Variants in SLC10A5 observed in about 807,000 individuals in gnomAD.
The protein encoded by SLC10A5 is solute carrier family 10 member 5, also known as sodium/bile acid cotransporter 5.
For missense variants in SLC10A5, 475 were observed against 500.7 expected (o/e 0.95, Z 0.49); for synonymous variants, 181 against 183.7 (o/e 0.99, Z 0.12).
In SLC10A5 at chr8:81,694,050, G is replaced by C; in HGVS notation, c.923C>G (p.Pro308Arg). 6.2e-7 allele frequency: 1 copy of C among 1,613,792 alleles called. No homozygotes were observed. The highest frequency in any genetic ancestry group is 8.5e-7 in the Non-Finnish European group (1 of 1,179,998). Residue 308 changes from proline to arginine, a missense_variant, in exon 1 of 1, where the codon CCT (proline) becomes CGT (arginine). Transcript: ENST00000518568. ...TACGAACATTAAAATAAAACTCAGAGGTCTAATTATTCTCTCTAAGAAGCT... is the reference window on the plus strand; with the variant it reads ...TACGAACATTAAAATAAAACTCAGACGTCTAATTATTCTCTCTAAGAAGCT... ...KASFLERIIR[P>R]LSFILMFVGI... is the part of the protein sequence containing the mutation.
In SLC10A5 at chr8:81,694,728, T is replaced by C. The variant is rs757090867; in HGVS notation, c.245A>G (p.Asp82Gly). The change falls in exon 1 of 1, where the codon GAT (aspartate) becomes GGT (glycine). Residue 82 changes from aspartate to glycine, a missense_variant. Asp to Gly is a moderately conservative substitution (Grantham distance 94). Coordinates refer to ENST00000518568, the MANE Select transcript of SLC10A5 (RefSeq NM_001010893.3). ...CAGATTTATGGTAAAGTTTGTAGCATCTGATGAGATCTTCTTGGCCACATT... is the reference window on the plus strand; with the variant it reads ...CAGATTTATGGTAAAGTTTGTAGCACCTGATGAGATCTTCTTGGCCACATT... Reference protein sequence around the residue: ...MVNVAKKISSDATNFTINLVT... With the variant: ...MVNVAKKISSGATNFTINLVT... The C allele has an allele frequency of 1.2e-6, 2 of 1,614,000 alleles. No homozygotes were observed. The highest frequency in any genetic ancestry group is 1.1e-5 in the South Asian group (1 of 91,076).
In SLC10A5 at chr8:81,694,456, T is replaced by G; in HGVS notation, c.517A>C (p.Arg173=). The G allele has an allele frequency of 6.2e-7, 1 of 1,614,246 alleles. No individual in the cohort carries two copies. Among genetic ancestry groups the G allele is most frequent in the South Asian group, 1.1e-5 (1 of 91,090 alleles). Residue 173 remains arginine (R), a synonymous_variant, in exon 1 of 1, where the codon AGA becomes CGA. Transcript: ENST00000518568. ...ELQLFQTVWK[R]PLPVILGAVT... is the part of the protein sequence containing the mutation. Reference sequence around the variant, plus strand: ...GCCCCAAGAATTACTGGCAAAGGTCTCTTCCATACTGTTTGAAACAGCTGT... The same window carrying G: ...GCCCCAAGAATTACTGGCAAAGGTCGCTTCCATACTGTTTGAAACAGCTGT...
rs777083591 is a variant in SLC10A5 at position 81,694,589 on chromosome 8, T to C, written c.384A>G (p.Gln128=). 1.2e-6 allele frequency: 2 copies of C among 1,614,170 alleles called. No individual in the cohort carries two copies. The highest frequency in any genetic ancestry group is 4.5e-5 in the East Asian group (2 of 44,870). ...IKNVKVKVLK[Q]KDSLLQAPMH... is the part of the protein sequence containing the mutation. ...TTGGTGCCTGGAGTAGACTGTCTTT[T>C]TGTTTGAGCACTTTGACTTTCACAT... Residue 128 remains glutamine, a synonymous_variant, in exon 1 of 1, where the codon CAA becomes CAG. Coordinates refer to ENST00000518568, the MANE Select transcript of SLC10A5 (RefSeq NM_001010893.3).
In SLC10A5 at chr8:81,693,733, T is replaced by C; in HGVS notation, c.1240A>G (p.Ile414Val). The C allele has an allele frequency of 6.2e-7, 1 of 1,613,676 alleles. No individual in the cohort carries two copies. Among genetic ancestry groups the C allele is most frequent in the South Asian group, 1.1e-5 (1 of 90,918 alleles). ...AMCSGCEMLL[I>V]ILVYKAKKRC... ...TTCTTAGCCTTGTAAACTAGAATGATCAGTAACATTTCACATCCAGAACAC... is the reference window on the plus strand; with the variant it reads ...TTCTTAGCCTTGTAAACTAGAATGACCAGTAACATTTCACATCCAGAACAC... The change falls in exon 1 of 1, where the codon ATC becomes GTC. Residue 414 changes from isoleucine to valine, a missense_variant. Ile to Val is a conservative substitution (Grantham distance 29). Transcript: ENST00000518568.
Position 81,693,952 on chromosome 8 carries a change from G to GT in SLC10A5, c.1020_1021insA (p.Leu341ThrfsTer16), listed in dbSNP as rs762284500. 3.7e-6 allele frequency: 6 copies of GT among 1,613,812 alleles called. No homozygotes were observed. Among genetic ancestry groups the GT allele is most frequent in the Non-Finnish European group, 4.2e-6 (5 of 1,180,046 alleles). On this transcript the variant is annotated frameshift_variant, in exon 1 of 1. Coordinates refer to ENST00000518568, the MANE Select transcript of SLC10A5 (RefSeq NM_001010893.3). LOFTEE classifies it low-confidence loss of function (END_TRUNC). ...AGCAAACCCAAAGCAGGAACTAAGA[G>GT]ACCCAACAGAATCACCTCTAGATTA...
chr8:81,694,548 T>C lies in SLC10A5; in HGVS notation c.425A>G (p.Asn142Ser). 1 of 1,614,164 alleles carries C rather than the reference T, an allele frequency of 6.2e-7. No homozygotes were observed. The highest frequency in any genetic ancestry group is 1.1e-5 in the South Asian group (1 of 91,078). ...LLQAPMHIDR[N>S]ILMLILPLIL... ...TAGTGGTAAAATAAGCATTAGGATA[T>C]TTCTATCAATATGCATTGGTGCCTG... is the stretch of plus-strand genomic sequence containing the variant. Residue 142 changes from asparagine (N) to serine (S), a missense_variant, in exon 1 of 1, where the codon AAT becomes AGT. Asn to Ser is a conservative substitution (Grantham distance 46). Coordinates refer to ENST00000518568, the MANE Select transcript of SLC10A5 (RefSeq NM_001010893.3).
At position 81,695,057 on chromosome 8, in the gene SLC10A5, C is replaced by G; in HGVS notation, c.-85G>C. On this transcript the variant is annotated 5_prime_UTR_variant, in exon 1 of 1. Transcript: ENST00000518568. ...TTCATGCAGGTGTTCCAGTGACAGT[C>G]TGAGGGTGAGTTAGATAACAGTTGT... The G allele has an allele frequency of 9.3e-7, 1 of 1,073,954 alleles. No individual in the cohort carries two copies. Among genetic ancestry groups the G allele is most frequent in the South Asian group, 1.7e-5 (1 of 58,326 alleles). 66.5% of individuals were successfully genotyped at this position (1,073,954 alleles called of 1,614,324 possible). A position where few individuals can be genotyped will look rare whatever the true frequency, so the allele number is the denominator to read the frequency against.
Position 81,694,974 on chromosome 8 carries a change from T to C in SLC10A5, c.-2A>G, listed in dbSNP as rs751589843. 3 of 1,541,894 alleles carry C rather than the reference T, an allele frequency of 1.9e-6. No homozygotes were observed. The highest frequency in any genetic ancestry group is 4.5e-5 in the Admixed American group (2 of 44,264). ...AACAATAAAAAGTTTTCTAATCATT[T>C]TGAAAGCTGAAATAAATCATATATG... is the stretch of plus-strand genomic sequence containing the variant. On this transcript the variant is annotated 5_prime_UTR_variant, in exon 1 of 1. Transcript: ENST00000518568.
Position 81,694,983 on chromosome 8 carries a change from G to T in SLC10A5, c.-11C>A. 6.5e-7 allele frequency: 1 copy of T among 1,527,076 alleles called. No individual in the cohort carries two copies. Among genetic ancestry groups the T allele is most frequent in the Non-Finnish European group, 8.8e-7 (1 of 1,142,656 alleles). 94.6% of individuals were successfully genotyped at this position (1,527,076 alleles called of 1,614,324 possible). ...AAGTTTTCTAATCATTTTGAAAGCT[G>T]AAATAAATCATATATGCAAAATCGT... On this transcript the variant is annotated 5_prime_UTR_variant, in exon 1 of 1. Coordinates refer to ENST00000518568, the MANE Select transcript of SLC10A5 (RefSeq NM_001010893.3).
chr8:81,694,961 T>A lies in SLC10A5; in HGVS notation c.12A>T (p.Lys4Asn). 1 of 1,551,128 alleles carries A rather than the reference T, an allele frequency of 6.4e-7. No individual in the cohort carries two copies. Among genetic ancestry groups the A allele is most frequent in the Non-Finnish European group, 8.6e-7 (1 of 1,156,898 alleles). The change falls in exon 1 of 1, where the codon AAA becomes AAT. Residue 4 changes from lysine (K) to asparagine (N), a missense_variant. Physicochemically the swap from Lys to Asn is moderately conservative, Grantham distance 94 (BLOSUM62 0). Transcript: ENST00000518568. MIR[K>N]LFIVLLLLLV... is the part of the protein sequence containing the mutation. ...GCAACAAAAGTAGAACAATAAAAAG[T>A]TTTCTAATCATTTTGAAAGCTGAAA...
In SLC10A5 at chr8:81,694,951, C is replaced by T. The variant is rs1394957665; in HGVS notation, c.22G>A (p.Val8Ile). 6.4e-7 allele frequency: 1 copy of T among 1,557,646 alleles called. No individual in the cohort carries two copies. Among genetic ancestry groups the T allele is most frequent in the Admixed American group, 2.2e-5 (1 of 45,324 alleles). ...ATAGTCACAAGCAACAAAAGTAGAA[C>T]AATAAAAAGTTTTCTAATCATTTTG... MIRKLFI[V>I]LLLLLVTIEE... Residue 8 changes from valine to isoleucine, a missense_variant, in exon 1 of 1, where the codon GTT (valine) becomes ATT (isoleucine). Coordinates refer to ENST00000518568, the MANE Select transcript of SLC10A5 (RefSeq NM_001010893.3).
Position 81,693,955 on chromosome 8 carries a change from C to T in SLC10A5, c.1018G>A (p.Gly340Ser), listed in dbSNP as rs1807685714. ...AAACCCAAAGCAGGAACTAAGAGAC[C>T]CAACAGAATCACCTCTAGATTATCT... Reference protein sequence around the residue: ...KTDNLEVILLGLLVPALGLLF... With the variant: ...KTDNLEVILLSLLVPALGLLF... The change falls in exon 1 of 1, where the codon GGT becomes AGT. Residue 340 changes from glycine to serine, a missense_variant. Gly to Ser is a moderately conservative substitution (Grantham distance 56). Transcript: ENST00000518568. 6.2e-7 allele frequency: 1 copy of T among 1,613,826 alleles called. No individual in the cohort carries two copies. Among genetic ancestry groups the T allele is most frequent in the Non-Finnish European group, 8.5e-7 (1 of 1,180,026 alleles).
chr8:81,693,839 GA>G lies in SLC10A5; in HGVS notation c.1133del (p.Phe378SerfsTer2). ...VAIESGMLNS[F>X]LALAVIQLSF... ...ACAGCTGAATAACGGCAAGAGCTAA[GA>G]AACTATTTAACATCCCACTTTCAAT... On this transcript the variant is annotated frameshift_variant, in exon 1 of 1. Coordinates refer to ENST00000518568, the MANE Select transcript of SLC10A5 (RefSeq NM_001010893.3). LOFTEE classifies it low-confidence loss of function (END_TRUNC). 6.2e-7 allele frequency: 1 copy of G among 1,613,828 alleles called. No individual in the cohort carries two copies. The highest frequency in any genetic ancestry group is 8.5e-7 in the Non-Finnish European group (1 of 1,179,974).
Position 81,694,389 on chromosome 8 carries a change from A to C in SLC10A5, c.584T>G (p.Leu195Trp). The change falls in exon 1 of 1, where the codon TTG becomes TGG. Residue 195 changes from leucine (L) to tryptophan (W), a missense_variant. By Grantham distance (61) the Leu-to-Trp change is moderately conservative. Transcript: ENST00000518568. The stretch of plus-strand genomic sequence containing the variant: ...CTCAGGCAATGCCACAATCTGAGAC[A>C]AAAGAAACCCGCAAAATGGCATCAG... ...FFLMPFCGFL[L>W]SQIVALPEAQ... is the part of the protein sequence containing the mutation. 4 of 1,614,064 alleles carry C rather than the reference A, an allele frequency of 2.5e-6. No homozygotes were observed. The highest frequency in any genetic ancestry group is 3.4e-6 in the Non-Finnish European group (4 of 1,180,022).
At position 81,693,995 on chromosome 8, in the gene SLC10A5, T is replaced by C. The variant is rs780786156; in HGVS notation, c.978A>G (p.Leu326=). The C allele has an allele frequency of 6.2e-7, 1 of 1,613,874 alleles. No homozygotes were observed. The highest frequency in any genetic ancestry group is 1.7e-5 in the Admixed American group (1 of 60,028). The change falls in exon 1 of 1, where the codon TTA becomes TTG. Residue 326 remains leucine, a synonymous_variant. Coordinates refer to ENST00000518568, the MANE Select transcript of SLC10A5 (RefSeq NM_001010893.3). ...VGIYLTFTVG[L]VFLKTDNLEV... Reference sequence around the variant, plus strand: ...CTAGATTATCTGTTTTTAAGAACACTAATCCCACTGTGAAAGTCAAATAAA... The same window carrying C: ...CTAGATTATCTGTTTTTAAGAACACCAATCCCACTGTGAAAGTCAAATAAA...
In SLC10A5 at chr8:81,694,927, T is replaced by C. The variant is rs775496158; in HGVS notation, c.46A>G (p.Ile16Val). Residue 16 changes from isoleucine to valine, a missense_variant, in exon 1 of 1, where the codon ATA (isoleucine) becomes GTA (valine). Coordinates refer to ENST00000518568, the MANE Select transcript of SLC10A5 (RefSeq NM_001010893.3). ...FIVLLLLLVTIEEARMSSLSF... is the reference protein window; with the variant it reads ...FIVLLLLLVTVEEARMSSLSF... ...AGCGATGACATCCTTGCTTCTTCTA[T>C]AGTCACAAGCAACAAAAGTAGAACA... The C allele has an allele frequency of 1.3e-4, 214 of 1,589,930 alleles. No individual in the cohort carries two copies. The highest frequency in any genetic ancestry group is 1.8e-4 in the Non-Finnish European group (206 of 1,173,860).
In SLC10A5 at chr8:81,694,252, T is replaced by C; in HGVS notation, c.721A>G (p.Thr241Ala). 1 of 1,614,124 alleles carries C rather than the reference T, an allele frequency of 6.2e-7. No individual in the cohort carries two copies. The highest frequency in any genetic ancestry group is 8.5e-7 in the Non-Finnish European group (1 of 1,180,002). Reference protein sequence around the residue: ...DFTLAILMTCTSTLLALIMMP... With the variant: ...DFTLAILMTCASTLLALIMMP... ...ATGATCAGAGCCAATAATGTTGATGTGCAAGTCATCAAAATGGCCAATGTG... is the reference window on the plus strand; with the variant it reads ...ATGATCAGAGCCAATAATGTTGATGCGCAAGTCATCAAAATGGCCAATGTG... Residue 241 changes from threonine to alanine, a missense_variant, in exon 1 of 1, where the codon ACA (threonine) becomes GCA (alanine). Transcript: ENST00000518568.
Position 81,694,060 on chromosome 8 carries a change from TTCTC to T in SLC10A5, c.909_912del (p.Arg304Ter), listed in dbSNP as rs772027815. On this transcript the variant is annotated frameshift_variant, in exon 1 of 1. Transcript: ENST00000518568. LOFTEE classifies it low-confidence loss of function (END_TRUNC). ...AAAATAAAACTCAGAGGTCTAATTA[TTCTC>T]TCTAAGAAGCTTGCTTTTTCAGGTA... is the stretch of plus-strand genomic sequence containing the variant. 430 of 1,614,042 alleles carry T rather than the reference TTCTC, an allele frequency of 2.7e-4. 6 individuals carry two copies. The highest frequency in any genetic ancestry group is 1.6e-3 in the East Asian group (71 of 44,876).
Position 81,694,794 on chromosome 8 carries a change from A to G in SLC10A5, c.179T>C (p.Leu60Pro). Residue 60 changes from leucine to proline, a missense_variant, in exon 1 of 1, where the codon CTC becomes CCC. By Grantham distance (98) the Leu-to-Pro change is moderately conservative. Transcript: ENST00000518568. ...YENKRPNSSH[L>P]FVKIEDPKIL... ...TTTAGGATCTTCTATTTTCACAAAG[A>G]GGTGGCTGGAATTAGGCCGTTTATT... 1 of 1,613,940 alleles carries G rather than the reference A, an allele frequency of 6.2e-7. No individual in the cohort carries two copies. Among genetic ancestry groups the G allele is most frequent in the Non-Finnish European group, 8.5e-7 (1 of 1,179,978 alleles).
Sources: gnomAD v4.1 joint callset for allele counts on GRCh38, gnomAD v4.1.1 for gene constraint, MANE v1.5 for transcripts, NCBI Gene and HGNC (gene_info 2026-07-23, HGNC 2026-07-21) for gene names.